Variants in SZT2 observed in about 807,000 individuals in gnomAD.
The protein encoded by SZT2 is KICSTOR complex protein SZT2.
A neutral mutation model predicts 404.2 loss-of-function variants in SZT2; 216 were observed. The ratio of observed to expected loss-of-function variants is 0.53; its 90% confidence interval spans 0.48 to 0.60. The LOEUF is 0.60. SZT2 is among the 20% of genes least tolerant of loss of function. SZT2 has a pLI of 0.00. For synonymous variants in SZT2, 1,693 were observed against 1,749.9 expected (o/e 0.97, Z 0.81); for missense variants, 3,857 against 4,459.2 (o/e 0.86, Z 3.85).
Position 43,430,744 on chromosome 1 carries a change from G to A in SZT2, c.4729G>A (p.Gly1577Arg), listed in dbSNP as rs1036139627. 1 of 1,612,560 alleles carries A rather than the reference G, an allele frequency of 6.2e-7. No homozygotes were observed. The highest frequency in any genetic ancestry group is 1.7e-5 in the Admixed American group (1 of 60,026). ...LHLTCSVRLRGQHSSVPVCSL... is the reference protein window; with the variant it reads ...LHLTCSVRLRRQHSSVPVCSL... ...CCTCACGTGCTCCGTGCGGCTACGT[G>A]GGCAGCACAGCTCAGTACCTGTGTG... Residue 1577 changes from glycine to arginine, a missense_variant, in exon 32 of 72, where the codon GGG becomes AGG. Around this residue, in one of 7 missense-constraint regions of SZT2, gnomAD observed 1,725 missense variants for 1,881.0 expected, o/e 0.92. Coordinates refer to ENST00000634258, the MANE Select transcript of SZT2 (RefSeq NM_001365999.1).
Position 43,425,894 on chromosome 1 carries a change from G to C in SZT2, c.2874G>C (p.Gln958His). The C allele has an allele frequency of 6.2e-7, 1 of 1,614,122 alleles. No homozygotes were observed. Among genetic ancestry groups the C allele is most frequent in the African/African-American group, 1.3e-5 (1 of 75,050 alleles). ...TGCTGAGCTTTGAATACCTGATACAGCTGTGTCAGAGCAAGGAATGGGGTC... is the reference window on the plus strand; with the variant it reads ...TGCTGAGCTTTGAATACCTGATACACCTGTGTCAGAGCAAGGAATGGGGTC... ...GSMLSFEYLI[Q>H]LCQSKEWGPL... The change falls in exon 20 of 72, where the codon CAG becomes CAC. Residue 958 changes from glutamine to histidine, a missense_variant. This residue lies in a region of SZT2 where 1,725 missense variants were observed against 1,881.0 expected (regional missense o/e 0.92). Coordinates refer to ENST00000634258, the MANE Select transcript of SZT2 (RefSeq NM_001365999.1). The surrounding 1 kb of genome is among the most constrained non-coding windows in gnomAD (Gnocchi z 4.3).
chr1:43,452,775 T>C lies in SZT2; in HGVS notation c.*2295T>C. On this transcript the variant is annotated 3_prime_UTR_variant, in exon 72 of 72. Coordinates refer to ENST00000634258, the MANE Select transcript of SZT2 (RefSeq NM_001365999.1). ...CAGTTCCTTCTGAGCCTGTTTGGCC[T>C]CTGCAGGATTTGACATTTGAATCAG... The C allele has an allele frequency of 1.1e-6, 1 of 946,612 alleles. No homozygotes were observed. Among genetic ancestry groups the C allele is most frequent in the Non-Finnish European group, 1.6e-6 (1 of 617,908 alleles). 58.6% of individuals were successfully genotyped at this position (946,612 alleles called of 1,614,324 possible).
In SZT2 at chr1:43,438,862, C is replaced by T. The variant is rs1463985205; in HGVS notation, c.6627+45C>T. 3.7e-6 allele frequency: 6 copies of T among 1,611,570 alleles called. No individual in the cohort carries two copies. The East Asian group carries it at 8.9e-5, about 24-fold the overall frequency. ...CCAGCATCCTTCCCAGACTCAGCCACAGGTTCCAGGACAGTCTAGGCTGGA... is the reference window on the plus strand; with the variant it reads ...CCAGCATCCTTCCCAGACTCAGCCATAGGTTCCAGGACAGTCTAGGCTGGA... On this transcript the variant is annotated intron_variant, in intron 47 of 71. Transcript: ENST00000634258.
At chr1:43,443,932 G>A (rs1655382438) in intron 62 of SZT2, 136 bp downstream of exon 62, 4 of 1,061,846 alleles carry the variant, frequency 3.8e-6, no homozygotes, top group African/African-American at 1.6e-5. Flanking sequence ...CACCAGGCTT[G>A]CACTCATGTG....
chr1:43,451,235 C>T lies in SZT2; in HGVS notation c.*755C>T. On this transcript the variant is annotated 3_prime_UTR_variant, in exon 72 of 72. Transcript: ENST00000634258. ...TGGAGGCACGTGGGTGGTGTGCGGG[C>T]CCTCACTGGCCAGCCTCTGGGTGGC... 1 of 1,613,904 alleles carries T rather than the reference C, an allele frequency of 6.2e-7. No individual in the cohort carries two copies.
intron 39 of SZT2, 48 bp downstream of exon 39, chr1:43,432,847 G>A (rs1395334534): frequency 1.2e-6 from 2 of 1,607,814 alleles, no homozygotes; most frequent in Non-Finnish European, 1.7e-6. Flanking sequence ...TGGGAGGTGG[G>A]CTTAGGGCTG....
At position 43,450,038 on chromosome 1, in the gene SZT2, T is replaced by C; in HGVS notation, c.10087-65T>C. On this transcript the variant is annotated intron_variant, in intron 70 of 71. Coordinates refer to ENST00000634258, the MANE Select transcript of SZT2 (RefSeq NM_001365999.1). This position sits in a 1 kb window ranked among gnomAD's most constrained non-coding sequence, Gnocchi z 4.3. ...AAGTAGGCCTCTCCTCATCCTCCCT[T>C]CACCTCAGGATGCCCTGTGGGAGGG... is the stretch of plus-strand genomic sequence containing the variant. 1 of 1,589,924 alleles carries C rather than the reference T, an allele frequency of 6.3e-7. No homozygotes were observed. The highest frequency in any genetic ancestry group is 1.1e-5 in the South Asian group (1 of 90,642).
chr1:43,425,960 C>T lies in SZT2; in HGVS notation c.2929+11C>T, dbSNP rs752243784. ...CGAGGGTCTCTGATGGTGAGTGGGG[C>T]AGGCGGCCCACTGGTGGAGCAGGGG... On this transcript the variant is annotated intron_variant, in intron 20 of 71. Coordinates refer to ENST00000634258, the MANE Select transcript of SZT2 (RefSeq NM_001365999.1). The surrounding 1 kb of genome is among the most constrained non-coding windows in gnomAD (Gnocchi z 4.3). 1.9e-5 allele frequency: 30 copies of T among 1,613,336 alleles called. No individual in the cohort carries two copies. Among genetic ancestry groups the T allele is most frequent in the South Asian group, 5.5e-5 (5 of 91,058 alleles).
chr1:43,451,193 G>A lies in SZT2; in HGVS notation c.*713G>A. Reference sequence around the variant, plus strand: ...CATCTTTAATGCAGAGGAGGAGATGGGATGTCACTCGCTGTCTGGAGGCAC... The same window carrying A: ...CATCTTTAATGCAGAGGAGGAGATGAGATGTCACTCGCTGTCTGGAGGCAC... On this transcript the variant is annotated 3_prime_UTR_variant, in exon 72 of 72. Transcript: ENST00000634258. 3 of 1,540,348 alleles carry A rather than the reference G, an allele frequency of 1.9e-6. No individual in the cohort carries two copies. The highest frequency in any genetic ancestry group is 2.7e-6 in the Non-Finnish European group (3 of 1,112,840).
At position 43,441,439 on chromosome 1, in the gene SZT2, C is replaced by T; in HGVS notation, c.7511+59C>T. On this transcript the variant is annotated intron_variant, in intron 53 of 71. Coordinates refer to ENST00000634258, the MANE Select transcript of SZT2 (RefSeq NM_001365999.1). This position sits in a 1 kb window ranked among gnomAD's most constrained non-coding sequence, Gnocchi z 4.8. ...TATGGGTGTGAAGTCACAGATGGGC[C>T]TTGGTCTGTATAAACATACAAGTGT... The T allele has an allele frequency of 6.2e-7, 1 of 1,610,096 alleles. No individual in the cohort carries two copies. The highest frequency in any genetic ancestry group is 1.7e-5 in the Admixed American group (1 of 59,814).
At position 43,439,503 on chromosome 1, in the gene SZT2, A is replaced by G. The variant is rs183380502; in HGVS notation, c.6877+61A>G. 1.2e-4 allele frequency: 186 copies of G among 1,597,774 alleles called. 2 individuals are homozygous for G. In the East Asian group the frequency reaches 2.0e-3, roughly 17 times the overall value. Reference sequence around the variant, plus strand: ...GTGAGGGAAAGCCTTTTGTCATCCTATTGCTAAGAGGACATTTCCCAGGCT... The same window carrying G: ...GTGAGGGAAAGCCTTTTGTCATCCTGTTGCTAAGAGGACATTTCCCAGGCT... On this transcript the variant is annotated intron_variant, in intron 49 of 71. Coordinates refer to ENST00000634258, the MANE Select transcript of SZT2 (RefSeq NM_001365999.1). This position sits in a 1 kb window ranked among gnomAD's most constrained non-coding sequence, Gnocchi z 4.2.
Position 43,441,104 on chromosome 1 carries a change from T to C in SZT2, c.7345-110T>C, listed in dbSNP as rs373888016. The C allele has an allele frequency of 2.7e-4, 381 of 1,392,790 alleles. 3 individuals are homozygous for C. The East Asian group carries it at 4.7e-3, about 17-fold the overall frequency. The allele number at this position is 1,392,790 out of a possible 1,614,324, so 86.3% of individuals were successfully genotyped here. A position where few individuals can be genotyped will look rare whatever the true frequency, so the allele number is the denominator to read the frequency against. ...TAGCCAGCCCCTGGGGAAGCCAGGG[T>C]CTGAACCCAGACCTCTGAATCCTCC... On this transcript the variant is annotated intron_variant, in intron 52 of 71. Transcript: ENST00000634258. The surrounding 1 kb of genome is among the most constrained non-coding windows in gnomAD (Gnocchi z 4.8).
chr1:43,449,759 C>G (rs913205550), intron 70 of SZT2: 2 of 410,090 alleles, frequency 4.9e-6, no homozygotes, highest in Admixed American at 7.0e-5. Context: ...GACGACAAGA[C>G]AATCCCAGGG....
rs1271250690 is a variant in SZT2 at position 43,425,822 on chromosome 1, G to A, written c.2815-13G>A. 1.9e-6 allele frequency: 3 copies of A among 1,612,918 alleles called. No individual in the cohort carries two copies. Among genetic ancestry groups the A allele is most frequent in the Admixed American group, 1.7e-5 (1 of 60,002 alleles). ...GAGGGGTTGACTCCTGACCTCTGAT[G>A]TTCTTCCTGTAGCTCCACCCACGGG... On this transcript the variant is annotated splice_polypyrimidine_tract_variant and intron_variant, in intron 19 of 71. Transcript: ENST00000634258. The surrounding 1 kb of genome is among the most constrained non-coding windows in gnomAD (Gnocchi z 4.3).
intron 28 of SZT2, 130 bp downstream of exon 28, chr1:43,428,616 C>A: frequency 7.7e-7 from 1 of 1,299,438 alleles, no homozygotes; most frequent in Non-Finnish European, 1.0e-6. Flanking sequence ...AGTGCTTTGT[C>A]GCCGGCTCAC....
rs1336480919 is a variant in SZT2 at position 43,450,617 on chromosome 1, CTA to C, written c.*139_*140del. 8.6e-5 allele frequency: 115 copies of C among 1,335,184 alleles called. No homozygotes were observed. The highest frequency in any genetic ancestry group is 1.9e-4 in the Middle Eastern group (1 of 5,392). 82.7% of individuals were successfully genotyped at this position (1,335,184 alleles called of 1,614,324 possible). A position where few individuals can be genotyped will look rare whatever the true frequency, so the allele number is the denominator to read the frequency against. ...CTGAGTGACACCAAAGGCTTTGTAACTATGTCTTGAGGGTCTGCTGCCCCAGC... is the reference window on the plus strand; with the variant it reads ...CTGAGTGACACCAAAGGCTTTGTAACTGTCTTGAGGGTCTGCTGCCCCAGC... On this transcript the variant is annotated 3_prime_UTR_variant, in exon 72 of 72. Transcript: ENST00000634258. This position sits in a 1 kb window ranked among gnomAD's most constrained non-coding sequence, Gnocchi z 4.3.
chr1:43,412,856 A>G (rs1651237272), intron 4 of SZT2: 1 of 152,234 alleles, frequency 6.6e-6, no homozygotes, highest in Non-Finnish European at 1.5e-5. Context: ...AAAGATCTCA[A>G]TAGACATTTC....
Position 43,413,737 on chromosome 1 carries a change from G to C in SZT2, c.499-1345G>C, listed in dbSNP as rs145958241. On this transcript the variant is annotated intron_variant, in intron 4 of 71. Coordinates refer to ENST00000634258, the MANE Select transcript of SZT2 (RefSeq NM_001365999.1). ...AACTTGGCATGTTATTTATTTGTGAGAGCTAAAAATTAAAACAATTGAACT... is the reference window on the plus strand; with the variant it reads ...AACTTGGCATGTTATTTATTTGTGACAGCTAAAAATTAAAACAATTGAACT... 7.1e-3 allele frequency among the ~76,000 whole-genome samples: 1,074 copies of C among 152,200 alleles called. 13 individuals carry two copies. The highest frequency in any genetic ancestry group is 0.024 in the African/African-American group (1,007 of 41,546).
Position 43,453,434 on chromosome 1 carries a change from T to G in SZT2, c.*2954T>G. Reference sequence around the variant, plus strand: ...ATACCGCACGGCCTGCTCCAGTCCCTCTCGGAAGGCCGCCTGTCTCCCGGG... The same window carrying G: ...ATACCGCACGGCCTGCTCCAGTCCCGCTCGGAAGGCCGCCTGTCTCCCGGG... On this transcript the variant is annotated 3_prime_UTR_variant, in exon 72 of 72. Transcript: ENST00000634258. The G allele has an allele frequency of 6.4e-7, 1 of 1,562,822 alleles. No homozygotes were observed. Among genetic ancestry groups the G allele is most frequent in the Non-Finnish European group, 8.7e-7 (1 of 1,152,616 alleles).
Sources: gnomAD v4.1 joint callset for allele counts (sites outside exome capture counted in the v4.1 genomes callset) on GRCh38, gnomAD v4.1.1 for gene constraint, gnomAD v4.1.1 regional missense constraint, Gnocchi (gnomAD v3.1) non-coding constraint, MANE v1.5 for transcripts, NCBI Gene and HGNC (gene_info 2026-07-23, HGNC 2026-07-21) for gene names.